The following RPS3 variants were observed in gnomAD, a reference collection of about 807,000 sequenced individuals.
RPS3 encodes ribosomal protein S3.
In RPS3, 2 loss-of-function variants were observed where a neutral mutation model predicts 25.8. That is an observed-to-expected ratio of 0.08 (90% CI 0.03 to 0.24). The LOEUF is 0.24. Ranked by LOEUF, RPS3 falls within the 10% of genes least tolerant of loss-of-function variation. The pLI is 1.00. For synonymous variants in RPS3, 114 were observed against 114.2 expected, an observed-to-expected ratio of 1.00 and a Z score of 0.01; for missense variants, 107 against 307.1, an observed-to-expected ratio of 0.35 and a Z score of 4.87.
At chr11:75,409,748 C>T (rs1418285914), downstream of RPS3, among the ~76,000 whole-genome samples, 55 of 151,250 alleles carry the variant, frequency 3.6e-4, no homozygotes, top group Admixed American at 2.2e-3. Context: ...CTCCTCACTT[C>T]CCAGTAGGGG....
chr11:75,400,355 C>T (rs1283463677), intron 1 of RPS3: 1 of 522,250 alleles, frequency 1.9e-6, no homozygotes, highest in East Asian at 5.4e-5. Context: ...GCCATTAGAG[C>T]AGTTTCTTGT....
At chr11:75,402,467 T>C (rs762591390) in intron 4 of RPS3, 21 bp downstream of exon 4, 9 of 1,592,654 alleles carry the variant, frequency 5.7e-6, no homozygotes, top group Non-Finnish European at 7.7e-6. Flanking sequence ...TGAGACCTAA[T>C]GGTCATGACC....
chr11:75,418,847 G>C (rs1044697077), intron 6 of RPS3, among the ~76,000 whole-genome samples: 1 of 152,172 alleles, frequency 6.6e-6, no homozygotes, highest in East Asian at 1.9e-4. Context: ...ACCGAGCAGG[G>C]AGTTCCACTG....
chr11:75,413,688 A>G (rs1469568877), intron 6 of RPS3, among the ~76,000 whole-genome samples: 1 of 152,218 alleles, frequency 6.6e-6, no homozygotes, highest in Admixed American at 6.5e-5. Context: ...TTCAGAAGCC[A>G]TTTTAGAAAG....
intron 1 of RPS3, chr11:75,400,399 A>AAGAGATGATGACG (rs1161357028): frequency 1.8e-6 from 1 of 544,100 alleles, no homozygotes; most frequent in African/African-American, 1.9e-5. Context: ...CCCTTCGATG[A>AAGAGATGATGACG]AGAGATGATG....
At chr11:75,409,042 A>G (rs78876496), downstream of RPS3, among the ~76,000 whole-genome samples, 809 of 152,234 alleles carry the variant, frequency 5.3e-3, 10 homozygotes, top group Admixed American at 9.5e-3. Context: ...ATGCAGTGGT[A>G]GTGGCACAAT....
At position 75,404,152 on chromosome 11, in the gene RPS3, A is replaced by G; in HGVS notation, c.483A>G (p.Gly161=). The change falls in exon 5 of 7, where the codon GGA becomes GGG. Residue 161 remains glycine, a synonymous_variant. Coordinates refer to ENST00000531188, the MANE Select transcript of RPS3 (RefSeq NM_001005.5). The surrounding 1 kb of genome is among the most constrained non-coding windows in gnomAD (Gnocchi z 4.6). The part of the protein sequence containing the change: ...KFVDGLMIHS[G]DPVNYYVDTA... ...TGGATGGCCTGATGATCCACAGCGG[A>G]GACCCTGTTAACTACTACGTTGACA... 5 of 1,614,152 alleles carry G rather than the reference A, an allele frequency of 3.1e-6. No individual in the cohort carries two copies. Among genetic ancestry groups the G allele is most frequent in the Non-Finnish European group, 4.2e-6 (5 of 1,180,028 alleles).
chr11:75,400,354 G>A, intron 1 of RPS3: 1 of 522,318 alleles, frequency 1.9e-6, no homozygotes, highest in South Asian at 1.4e-5. Flanking sequence ...GGCCATTAGA[G>A]CAGTTTCTTG....
intron 6 of RPS3, among the ~76,000 whole-genome samples, chr11:75,417,724 C>T (rs976786771): frequency 3.9e-5 from 6 of 152,356 alleles, no homozygotes; most frequent in Admixed American, 2.0e-4. Context: ...TCTCCTGGCC[C>T]CTCCTGGGCC....
chr11:75,412,163 C>CT (rs1948362885), intron 6 of RPS3, among the ~76,000 whole-genome samples: 1 of 152,222 alleles, frequency 6.6e-6, no homozygotes, highest in Admixed American at 6.5e-5. Flanking sequence ...ACCCTTGTGA[C>CT]TGACTCCAGT....
At chr11:75,412,549 TG>T (rs1274237777) in intron 6 of RPS3, among the ~76,000 whole-genome samples, 1 of 152,080 alleles carries the variant, frequency 6.6e-6, no homozygotes, top group Non-Finnish European at 1.5e-5. Context: ...AATATGCAGA[TG>T]GGGGTACATA....
intron 4 of RPS3, 84 bp downstream of exon 4, chr11:75,402,530 T>G: frequency 7.0e-7 from 1 of 1,426,954 alleles, no homozygotes; most frequent in South Asian, 1.3e-5. Flanking sequence ...GCAGATGAAC[T>G]GTTACAAAGT....
downstream of RPS3, among the ~76,000 whole-genome samples, chr11:75,407,074 A>G (rs1303359337): frequency 1.3e-5 from 2 of 152,216 alleles, no homozygotes; most frequent in African/African-American, 4.8e-5. Context: ...CCAGAACTTC[A>G]TCTTGCAGAT....
At chr11:75,401,548 G>T in intron 2 of RPS3, 92 bp from the exon 3 acceptor site, 1 of 883,152 alleles carries the variant, frequency 1.1e-6, no homozygotes, top group Non-Finnish European at 1.8e-6. Context: ...TATATGCTTT[G>T]TGGCAGAGAT....
rs1948195610 is a variant in RPS3, at chr11:75,400,619, T to G, written c.31-75T>G. The stretch of plus-strand genomic sequence containing the variant: ...TTTTGGTGAGGGATGCATTGACTAA[T>G]AAGACTAGACTGGCTCAGGCGAAAG... On this transcript the variant is annotated intron_variant, in intron 1 of 6. Coordinates refer to ENST00000531188, the MANE Select transcript of RPS3 (RefSeq NM_001005.5). 3.2e-6 allele frequency: 5 copies of G among 1,587,016 alleles called. No individual in the cohort carries two copies. In the East Asian group the frequency reaches 1.1e-4, roughly 36 times the overall value.
chr11:75,404,610 G>T lies in RPS3; in HGVS notation c.539-62G>T. On this transcript the variant is annotated intron_variant, in intron 5 of 6. Coordinates refer to ENST00000531188, the MANE Select transcript of RPS3 (RefSeq NM_001005.5). This position sits in a 1 kb window ranked among gnomAD's most constrained non-coding sequence, Gnocchi z 4.6. ...TTGAGTAAACTGCTTGCTCTCTTTG[G>T]TCTTGTGTGATGGGGGCCTTTGAGA... 6.6e-7 allele frequency: 1 copy of T among 1,521,926 alleles called. No individual in the cohort carries two copies. Among genetic ancestry groups the T allele is most frequent in the South Asian group, 1.1e-5 (1 of 88,080 alleles). 94.3% of individuals were successfully genotyped at this position (1,521,926 alleles called of 1,614,324 possible).
chr11:75,409,749 C>G (rs1156547389), downstream of RPS3, among the ~76,000 whole-genome samples: 10 of 151,404 alleles, frequency 6.6e-5, no homozygotes, highest in African/African-American at 2.2e-4. Context: ...TCCTCACTTC[C>G]CAGTAGGGGC....
Position 75,400,813 on chromosome 11 carries a change from C to T in RPS3, c.150C>T (p.Ile50=). Residue 50 remains isoleucine (I), a synonymous_variant, in exon 2 of 7, where the codon ATC becomes ATT. Coordinates refer to ENST00000531188, the MANE Select transcript of RPS3 (RefSeq NM_001005.5). ...RVTPTRTEII[I]LATRTQNVLG... ...CACCAACCAGGACAGAAATCATTAT[C>T]TTAGCCACCAGGTAAAACTCATTTG... The T allele has an allele frequency of 1.2e-6, 2 of 1,611,836 alleles. No homozygotes were observed. The highest frequency in any genetic ancestry group is 2.2e-5 in the East Asian group (1 of 44,854).
chr11:75,419,545 C>T (rs1948426459), intron 6 of RPS3, among the ~76,000 whole-genome samples: 1 of 151,162 alleles, frequency 6.6e-6, no homozygotes, highest in Admixed American at 6.6e-5. Context: ...CAGAGTGAGA[C>T]TCCTTCTCAA....
Sources: allele counts gnomAD v4.1 joint callset (sites outside exome capture counted in the v4.1 genomes callset), GRCh38; gene constraint gnomAD v4.1.1; non-coding constraint Gnocchi (gnomAD v3.1); transcripts MANE v1.5; gene names NCBI Gene and HGNC (gene_info 2026-07-23, HGNC 2026-07-21).